Variants in KIAA1217 observed in about 807,000 individuals in gnomAD.
The protein encoded by KIAA1217 is sickle tail protein homolog.
A neutral mutation model predicts 163.9 loss-of-function variants in KIAA1217; 88 were observed. That is an observed-to-expected ratio of 0.54 (90% CI 0.45 to 0.64). The LOEUF is 0.64. Among genes scored for constraint, KIAA1217 ranks in the 30% least tolerant of loss-of-function variants. The pLI is 0.00. For synonymous variants in KIAA1217, 903 were observed against 923.1 expected (o/e 0.98, Z 0.39); for missense variants, 2,372 against 2,475.0 (o/e 0.96, Z 0.88).
intron 17 of KIAA1217, 38 bp downstream of exon 17, chr10:24,536,931 G>C (rs753247780): frequency 6.2e-7 from 1 of 1,610,120 alleles, no homozygotes; most frequent in Non-Finnish European, 8.5e-7. Flanking sequence ...ACGGTTGGGA[G>C]TCCTTCCTTC....
chr10:24,279,135 C>G (rs2077621344), intron 2 of KIAA1217, among the ~76,000 whole-genome samples: 1 of 152,128 alleles, frequency 6.6e-6, no homozygotes, highest in Non-Finnish European at 1.5e-5. Flanking sequence ...CCACCACACC[C>G]AGCTCAGATT....
chr10:24,083,664 T>C (rs2061605635), intron 2 of KIAA1217, among the ~76,000 whole-genome samples: 1 of 152,204 alleles, frequency 6.6e-6, no homozygotes, highest in Non-Finnish European at 1.5e-5. Flanking sequence ...TTCCATCCAA[T>C]GTTAATGAGA....
chr10:24,419,493 A>C (rs74125405), intron 3 of KIAA1217, among the ~76,000 whole-genome samples: 7,536 of 152,274 alleles, frequency 0.049, 386 homozygotes, highest in African/African-American at 0.13. Flanking sequence ...AAGTCACACA[A>C]CTTACTTCTC....
At chr10:23,946,286 T>G (rs868405269) in intron 1 of KIAA1217, among the ~76,000 whole-genome samples, 5 of 96,440 alleles carry the variant, frequency 5.2e-5, no homozygotes, top group South Asian at 2.9e-4. Flanking sequence ...AAAAAAAAAG[T>G]AAAGGAGCTA....
chr10:24,214,174 A>C (rs1368605059), intron 1 of KIAA1217, among the ~76,000 whole-genome samples: 1 of 152,162 alleles, frequency 6.6e-6, no homozygotes, highest in Non-Finnish European at 1.5e-5. Context: ...AAACAAAGAA[A>C]AAAAACAAGG....
At chr10:23,977,083 AATG>A (rs1359506809) in intron 1 of KIAA1217, among the ~76,000 whole-genome samples, 1 of 152,170 alleles carries the variant, frequency 6.6e-6, no homozygotes, top group Non-Finnish European at 1.5e-5. Flanking sequence ...ATTTAAATGG[AATG>A]ATGAGTATCC....
intron 9 of KIAA1217, among the ~76,000 whole-genome samples, chr10:24,502,075 A>C (rs185156450): frequency 1.3e-5 from 2 of 151,846 alleles, no homozygotes; most frequent in African/African-American, 4.8e-5. Context: ...AGCTGTGCGT[A>C]CTTTTACGCA....
rs530459311 is a variant in KIAA1217 at position 24,438,331 on chromosome 10, T to G, written c.753-55T>G. 49 of 1,265,096 alleles carry G rather than the reference T, an allele frequency of 3.9e-5. No individual in the cohort carries two copies. The East Asian group carries it at 1.0e-3, about 27-fold the overall frequency. The allele number at this position is 1,265,096 out of a possible 1,614,324, so 78.4% of individuals were successfully genotyped here. A position where few individuals can be genotyped will look rare whatever the true frequency, so the allele number is the denominator to read the frequency against. On this transcript the variant is annotated intron_variant, in intron 4 of 20. Transcript: ENST00000376454. ...GATCTTTAAGGGCAGGCTAAGGAAA[T>G]GGCCAAAGTCAGGCTTCTTTCATCT...
chr10:23,730,788 T>G (rs1438152867), intron 1 of KIAA1217, among the ~76,000 whole-genome samples: 1 of 93,382 alleles, frequency 1.1e-5, no homozygotes, highest in African/African-American at 4.7e-5. Context: ...CTCAAATTCT[T>G]TCTTGTTTAT....
chr10:24,508,831 G>A (rs148767041), intron 9 of KIAA1217, among the ~76,000 whole-genome samples: 315 of 152,244 alleles, frequency 2.1e-3, no homozygotes, highest in South Asian at 0.011. Context: ...TTTTTATAAC[G>A]TTCTAGAACA....
intron 17 of KIAA1217, among the ~76,000 whole-genome samples, chr10:24,538,492 A>G (rs1319505092): frequency 1.4e-5 from 2 of 147,466 alleles, no homozygotes; most frequent in African/African-American, 4.9e-5. Context: ...AGCCTGGGCA[A>G]CATAGTGAGA....
chr10:23,854,208 GT>G (rs1839519017), intron 1 of KIAA1217, among the ~76,000 whole-genome samples: 2 of 152,006 alleles, frequency 1.3e-5, no homozygotes, highest in Non-Finnish European at 2.9e-5. Context: ...ATTCTGATAT[GT>G]TGTGTCTTTG....
intron 1 of KIAA1217, among the ~76,000 whole-genome samples, chr10:23,722,413 A>G (rs1471532495): frequency 6.6e-6 from 1 of 152,080 alleles, no homozygotes; most frequent in Admixed American, 6.6e-5. Flanking sequence ...TTAAAAATAG[A>G]TATGAAAAGA....
intron 2 of KIAA1217, among the ~76,000 whole-genome samples, chr10:24,338,470 A>G (rs1168119445): frequency 1.3e-5 from 2 of 152,190 alleles, no homozygotes; most frequent in Admixed American, 6.5e-5. Context: ...ATACTCTCTA[A>G]GTCCTATAGC....
intron 2 of KIAA1217, among the ~76,000 whole-genome samples, chr10:24,063,708 C>T (rs918524604): frequency 2.6e-5 from 4 of 152,070 alleles, no homozygotes; most frequent in African/African-American, 7.2e-5. Flanking sequence ...GGGGATGGCA[C>T]TGAATCTATA....
chr10:23,806,944 A>G (rs1271977205), intron 1 of KIAA1217, among the ~76,000 whole-genome samples: 1 of 152,224 alleles, frequency 6.6e-6, no homozygotes, highest in Non-Finnish European at 1.5e-5. Flanking sequence ...GCCCATTAGC[A>G]GCTAGGACTT....
At chr10:24,411,630 A>G (rs1564633632) in intron 3 of KIAA1217, among the ~76,000 whole-genome samples, 1 of 152,174 alleles carries the variant, frequency 6.6e-6, no homozygotes, top group African/African-American at 2.4e-5. Context: ...GTGTGTACAT[A>G]TACACACAGA....
At position 24,356,292 on chromosome 10, in the gene KIAA1217, A is replaced by G. The variant is rs192458339; in HGVS notation, c.355-24577A>G. 3.5e-3 allele frequency among the ~76,000 whole-genome samples: 536 copies of G among 152,340 alleles called. 1 individual carries two copies. The highest frequency in any genetic ancestry group is 0.017 in the Middle Eastern group (5 of 294). On this transcript the variant is annotated intron_variant, in intron 2 of 20. Coordinates refer to ENST00000376454, the MANE Select transcript of KIAA1217 (RefSeq NM_019590.5). The stretch of plus-strand genomic sequence containing the variant: ...AGGGTCATGGTTTAGTTGCCCCAGT[A>G]CAAAGCCTGATGCTGGGTTAAGTAA...
At chr10:24,329,743 T>G (rs1050477581) in intron 2 of KIAA1217, among the ~76,000 whole-genome samples, 3 of 152,190 alleles carry the variant, frequency 2.0e-5, no homozygotes, top group South Asian at 2.1e-4. Context: ...GTGTCGGCAC[T>G]CAATAAGGAG....
Sources: gnomAD v4.1 joint callset for allele counts (sites outside exome capture counted in the v4.1 genomes callset) on GRCh38, gnomAD v4.1.1 for gene constraint, MANE v1.5 for transcripts, NCBI Gene and HGNC (gene_info 2026-07-23, HGNC 2026-07-21) for gene names.